Variants in ATP9B observed in about 807,000 individuals in gnomAD.
ATP9B encodes probable phospholipid-transporting ATPase IIB.
Under a neutral mutation model 146.1 loss-of-function variants are expected in ATP9B, and 110 were observed. The ratio of observed to expected loss-of-function variants is 0.75; its 90% CI spans 0.65 to 0.88. ATP9B has a LOEUF of 0.88. Among genes scored for constraint, ATP9B ranks in the 40% least tolerant of loss-of-function variants. The pLI is 0.00. For synonymous variants in ATP9B, 604 were observed against 569.7 expected (o/e 1.06, Z -0.86); for missense variants, 1,499 against 1,496.4 (o/e 1.00, Z -0.03).
intron 17 of ATP9B, among the ~76,000 whole-genome samples, chr18:79,331,077 C>A (rs1043401538): frequency 6.6e-6 from 1 of 152,146 alleles, no homozygotes; most frequent in East Asian, 1.9e-4. Context: ...TATCGTTAAG[C>A]TTATGTATAA....
chr18:79,161,960 C>A (rs990645506), intron 7 of ATP9B, among the ~76,000 whole-genome samples: 21 of 152,098 alleles, frequency 1.4e-4, no homozygotes, highest in Admixed American at 2.0e-4. Context: ...ATCAAGAATT[C>A]TTAGCTTTAG....
chr18:79,249,867 A>G (rs1420876210), intron 11 of ATP9B, among the ~76,000 whole-genome samples: 1 of 152,244 alleles, frequency 6.6e-6, no homozygotes, highest in Non-Finnish European at 1.5e-5. Context: ...AAAGCAACCT[A>G]CAAGCTTTAC....
chr18:79,343,501 CT>C (rs2096869512), intron 20 of ATP9B, among the ~76,000 whole-genome samples: 2 of 152,216 alleles, frequency 1.3e-5, no homozygotes, highest in East Asian at 3.9e-4. Flanking sequence ...TACTTTTACT[CT>C]TTTAGGTTTT....
At chr18:79,302,658 G>T (rs1335277120) in intron 13 of ATP9B, among the ~76,000 whole-genome samples, 4 of 152,258 alleles carry the variant, frequency 2.6e-5, no homozygotes, top group African/African-American at 9.6e-5. Flanking sequence ...GTCCTCCTAA[G>T]GGAGGACTGT....
chr18:79,237,385 A>C (rs2095851675), intron 11 of ATP9B, among the ~76,000 whole-genome samples: 1 of 151,888 alleles, frequency 6.6e-6, no homozygotes, highest in South Asian at 2.1e-4. Flanking sequence ...CCCCTTCCCC[A>C]CTGTGTACAC....
intron 13 of ATP9B, among the ~76,000 whole-genome samples, chr18:79,293,833 T>C (rs766893496): frequency 3.9e-5 from 6 of 152,196 alleles, no homozygotes; most frequent in African/African-American, 2.4e-5. Flanking sequence ...GTTTCAGTTA[T>C]ATTTTAAATT....
chr18:79,271,724 C>T (rs2096256959), intron 12 of ATP9B, among the ~76,000 whole-genome samples: 1 of 152,156 alleles, frequency 6.6e-6, no homozygotes, highest in South Asian at 2.1e-4. Context: ...TTTATAGCAG[C>T]ATGATTTATA....
chr18:79,226,828 A>G (rs1291958869), intron 11 of ATP9B, among the ~76,000 whole-genome samples: 1 of 152,204 alleles, frequency 6.6e-6, no homozygotes, highest in Admixed American at 6.5e-5. Flanking sequence ...TAGAGACTGT[A>G]GCAGGCTATG....
At chr18:79,260,949 T>C (rs946286446) in intron 12 of ATP9B, among the ~76,000 whole-genome samples, 1 of 152,224 alleles carries the variant, frequency 6.6e-6, no homozygotes, top group Non-Finnish European at 1.5e-5. Flanking sequence ...CTATTTATCC[T>C]TGTCCCACCA....
At chr18:79,242,850 G>GA (rs1425267655) in intron 11 of ATP9B, among the ~76,000 whole-genome samples, 2 of 152,140 alleles carry the variant, frequency 1.3e-5, no homozygotes, top group Non-Finnish European at 2.9e-5. Flanking sequence ...GTTGCATTTT[G>GA]CCAAGATACC....
At chr18:79,190,140 A>G (rs914353112) in intron 8 of ATP9B, among the ~76,000 whole-genome samples, 2 of 152,292 alleles carry the variant, frequency 1.3e-5, no homozygotes, top group Middle Eastern at 3.4e-3. Flanking sequence ...CTTCAGGATC[A>G]TTAGCAAGTC....
At position 79,239,291 on chromosome 18, in the gene ATP9B, C is replaced by T. The variant is rs1244686394; in HGVS notation, c.1108-14090C>T. ...CTTCAGCCCTCTTATTTCCACCGCT[C>T]CACAATTCATGACAAGTGCTGCATC... On this transcript the variant is annotated intron_variant, in intron 11 of 29. Coordinates refer to ENST00000426216, the MANE Select transcript of ATP9B (RefSeq NM_198531.5). The surrounding 1 kb of genome is among the most constrained non-coding windows in gnomAD (Gnocchi z 5.1). 6.6e-6 allele frequency among the ~76,000 whole-genome samples: 1 copy of T among 152,188 alleles called. No individual in the cohort carries two copies. The highest frequency in any genetic ancestry group is 1.9e-4 in the East Asian group (1 of 5,196).
chr18:79,366,399 C>T (rs1450409062), intron 26 of ATP9B, among the ~76,000 whole-genome samples: 5 of 152,170 alleles, frequency 3.3e-5, no homozygotes, highest in African/African-American at 7.2e-5. Context: ...TTGGGAAAGG[C>T]GTTTGACTGT....
At chr18:79,359,675 A>G in intron 26 of ATP9B, 1 of 547,794 alleles carries the variant, frequency 1.8e-6, no homozygotes, top group Non-Finnish European at 3.3e-6. Flanking sequence ...AGGGAAAAAA[A>G]TTTCTCAAAT....
intron 12 of ATP9B, among the ~76,000 whole-genome samples, chr18:79,268,108 T>C (rs2096221938): frequency 1.3e-5 from 2 of 152,156 alleles, no homozygotes; most frequent in Non-Finnish European, 2.9e-5. Flanking sequence ...TTTCTTTATC[T>C]CTACTAAAGC....
chr18:79,072,699 GCGCCCCCCCACCTCCCAGACCAGGCGGC>G (rs2072020336), intron 1 of ATP9B, among the ~76,000 whole-genome samples: 1 of 136,086 alleles, frequency 7.3e-6, no homozygotes. Flanking sequence ...CCGGGTGGGG[GCGCCCCCCCACCTCCCAGACCAGGCGGC>G]TGCTGGGCGG....
Position 79,367,435 on chromosome 18 carries a change from G to A in ATP9B, c.3013-5390G>A, listed in dbSNP as rs563668034. On this transcript the variant is annotated intron_variant, in intron 26 of 29. Coordinates refer to ENST00000426216, the MANE Select transcript of ATP9B (RefSeq NM_198531.5). The stretch of plus-strand genomic sequence containing the variant: ...GCACACATATCTTCACCTCCACCGT[G>A]TGTACGCAGAGAAAGTGCCTCCTCA... Among the ~76,000 whole-genome samples, 70 of 118,088 alleles carry A rather than the reference G, an allele frequency of 5.9e-4. 1 individual carries two copies. In the South Asian group the frequency reaches 0.022, roughly 37 times the overall value. 77.5% of individuals were successfully genotyped at this position (118,088 alleles called of 152,430 possible).
At chr18:79,092,700 C>T (rs1258470060) in intron 1 of ATP9B, among the ~76,000 whole-genome samples, 9 of 143,858 alleles carry the variant, frequency 6.3e-5, no homozygotes, top group Non-Finnish European at 1.2e-4. Context: ...TAGTCTAGGC[C>T]TATACAGGGT....
At chr18:79,372,568 G>C (rs1282274128) in intron 26 of ATP9B, 17 of 624,276 alleles carry the variant, frequency 2.7e-5, no homozygotes, top group Admixed American at 1.5e-4. Context: ...GAGCCAACAA[G>C]ACGGCAGGTC....
Sources: allele counts gnomAD v4.1 joint callset (sites outside exome capture counted in the v4.1 genomes callset), GRCh38; gene constraint gnomAD v4.1.1; non-coding constraint Gnocchi (gnomAD v3.1); transcripts MANE v1.5; gene names NCBI Gene and HGNC (gene_info 2026-07-23, HGNC 2026-07-21).